RBFOX1: variants seen among roughly 807,000 people sequenced by gnomAD.
RBFOX1 encodes RNA binding fox-1 homolog 1.
In RBFOX1, 8 loss-of-function variants were observed where a neutral mutation model predicts 57.7. That is an observed-to-expected ratio of 0.14 (90% CI 0.08 to 0.25). The LOEUF (loss-of-function observed/expected upper bound fraction) is 0.25. Among genes scored for constraint, RBFOX1 ranks in the 10% least tolerant of loss-of-function variants. RBFOX1 has a pLI of 1.00. For missense variants in RBFOX1, 611 were observed against 548.5 expected, an observed-to-expected ratio of 1.11 and a Z score of -1.14; for synonymous variants, 326 against 222.4, an observed-to-expected ratio of 1.47 and a Z score of -4.15.
chr16:5,253,140 C>CT (rs879461678), intron 1 of RBFOX1, among the ~76,000 whole-genome samples: 57 of 148,074 alleles, frequency 3.8e-4, no homozygotes, highest in South Asian at 6.5e-4. Context: ...CTGTGTCATT[C>CT]TTTTTTTTTT....
intron 1 of RBFOX1, among the ~76,000 whole-genome samples, chr16:5,420,860 C>T (rs113613969): frequency 0.012 from 1,466 of 126,690 alleles, 16 homozygotes; most frequent in Non-Finnish European, 0.016. Flanking sequence ...CCTCCTCTTC[C>T]TCCTCCTCCT....
chr16:6,082,158 C>T, intron 1 of RBFOX1, among the ~76,000 whole-genome samples: 1 of 146,554 alleles, frequency 6.8e-6, no homozygotes, highest in South Asian at 2.2e-4. Context: ...ATTTGTTGGT[C>T]ACTTACCAAT....
At chr16:6,877,936 G>C (rs564326999) in intron 3 of RBFOX1, among the ~76,000 whole-genome samples, 7 of 152,264 alleles carry the variant, frequency 4.6e-5, no homozygotes, top group African/African-American at 1.7e-4. Context: ...AACATACACA[G>C]AGTCTTGGAT....
intron 3 of RBFOX1, among the ~76,000 whole-genome samples, chr16:6,924,532 G>T (rs1328484846): frequency 2.0e-5 from 3 of 152,018 alleles, no homozygotes; most frequent in Non-Finnish European, 4.4e-5. Context: ...CAACATTGGG[G>T]ATCACATTTC....
chr16:7,314,977 T>G (rs1190424894), intron 4 of RBFOX1, among the ~76,000 whole-genome samples: 1 of 152,238 alleles, frequency 6.6e-6, no homozygotes, highest in African/African-American at 2.4e-5. Flanking sequence ...CAGAAAGCTC[T>G]AATTTTAACC....
At chr16:6,913,336 G>C (rs1176076842) in intron 3 of RBFOX1, among the ~76,000 whole-genome samples, 2 of 152,114 alleles carry the variant, frequency 1.3e-5, no homozygotes, top group African/African-American at 4.8e-5. Context: ...TAAGGAGAAT[G>C]GTCCCATTTT....
intron 3 of RBFOX1, among the ~76,000 whole-genome samples, chr16:6,963,843 C>CG: frequency 6.6e-6 from 1 of 151,262 alleles, no homozygotes; most frequent in Non-Finnish European, 1.5e-5. Context: ...GGGCTACAGG[C>CG]GCACACCACC....
chr16:5,749,870 G>T (rs933232482), intron 3 of RBFOX1, among the ~76,000 whole-genome samples: 1 of 152,146 alleles, frequency 6.6e-6, no homozygotes, highest in Non-Finnish European at 1.5e-5. Flanking sequence ...TCAACTCGTC[G>T]AAGTCATTCT....
At chr16:6,770,152 A>C (rs377359579) in intron 3 of RBFOX1, among the ~76,000 whole-genome samples, 3 of 152,354 alleles carry the variant, frequency 2.0e-5, no homozygotes, top group East Asian at 3.9e-4. Context: ...TACCCTTTCA[A>C]GTGTCTGTTA....
rs1007019428 is a variant in RBFOX1, at chr16:6,679,174, G to C, written c.-16+24524G>C. ...TTGCAGTGTTCCACCCATTCAGTCT[G>C]AGTCTCCATCTATTTATGGCATATC... is the stretch of plus-strand genomic sequence containing the variant. On this transcript the variant is annotated intron_variant, in intron 3 of 15. Coordinates refer to ENST00000550418, the MANE Select transcript of RBFOX1 (RefSeq NM_018723.4). Among the ~76,000 whole-genome samples, 7 of 152,208 alleles carry C rather than the reference G, an allele frequency of 4.6e-5. No individual in the cohort carries two copies. The Middle Eastern group carries it at 0.014, about 296-fold the overall frequency.
Position 6,363,781 on chromosome 16 carries a change from G to T in RBFOX1, c.-64+46724G>T, listed in dbSNP as rs187537746. Among the ~76,000 whole-genome samples, 972 of 152,290 alleles carry T rather than the reference G, an allele frequency of 6.4e-3. 4 individuals carry two copies. Among genetic ancestry groups the T allele is most frequent in the Non-Finnish European group, 8.6e-3 (584 of 68,022 alleles). ...ACACCCAGTGACAGAACTAATAATTGTGTCCATGTAAAATCAGACCCTCTT... is the reference window on the plus strand; with the variant it reads ...ACACCCAGTGACAGAACTAATAATTTTGTCCATGTAAAATCAGACCCTCTT... On this transcript the variant is annotated intron_variant, in intron 2 of 15. Coordinates refer to ENST00000550418, the MANE Select transcript of RBFOX1 (RefSeq NM_018723.4).
intron 3 of RBFOX1, among the ~76,000 whole-genome samples, chr16:6,935,669 G>A (rs2077244137): frequency 1.3e-5 from 2 of 152,182 alleles, no homozygotes; most frequent in African/African-American, 4.8e-5. Flanking sequence ...TAAATGTAAT[G>A]TGCCTTATTC....
intron 5 of RBFOX1, among the ~76,000 whole-genome samples, chr16:7,533,155 A>C (rs1240304878): frequency 6.6e-6 from 1 of 152,196 alleles, no homozygotes; most frequent in Non-Finnish European, 1.5e-5. Context: ...ACTGGTCCTC[A>C]TAGGCACTTG....
chr16:7,106,227 GTGTGTGCATGAA>G (rs2063561655), intron 4 of RBFOX1, among the ~76,000 whole-genome samples: 2 of 152,278 alleles, frequency 1.3e-5, no homozygotes, highest in South Asian at 4.1e-4. Flanking sequence ...CATAATGACT[GTGTGTGCATGAA>G]TGTGTGCATG....
intron 1 of RBFOX1, among the ~76,000 whole-genome samples, chr16:6,165,136 G>A (rs2152752313): frequency 6.6e-6 from 1 of 152,144 alleles, no homozygotes; most frequent in Admixed American, 6.5e-5. Context: ...CCAAGCCTCA[G>A]CTTTGGCAGT....
chr16:6,629,698 C>A (rs989397689), intron 2 of RBFOX1, among the ~76,000 whole-genome samples: 2 of 152,088 alleles, frequency 1.3e-5, no homozygotes, highest in African/African-American at 4.8e-5. Context: ...TTGTGGTCAG[C>A]CATTTGACAT....
chr16:6,503,778 G>T (rs548612043), intron 2 of RBFOX1, among the ~76,000 whole-genome samples: 1 of 152,136 alleles, frequency 6.6e-6, no homozygotes. Flanking sequence ...GATGTCTCGC[G>T]ATGGAGGAAG....
chr16:7,115,579 T>G lies in RBFOX1; in HGVS notation c.27+63481T>G, dbSNP rs144161249. On this transcript the variant is annotated intron_variant, in intron 4 of 15. Transcript: ENST00000550418. Reference sequence around the variant, plus strand: ...CTCTCTCACCTGGCTGTTAGCAGGCTGGAAGTTTGCTGCCCACAGATTTAC... The same window carrying G: ...CTCTCTCACCTGGCTGTTAGCAGGCGGGAAGTTTGCTGCCCACAGATTTAC... Among the ~76,000 whole-genome samples the G allele has an allele frequency of 1.3e-3, 205 of 152,282 alleles. 2 individuals are homozygous for G. The highest frequency in any genetic ancestry group is 2.8e-3 in the Non-Finnish European group (189 of 68,016).
At chr16:5,798,771 CA>C (rs1477361848) in intron 3 of RBFOX1, among the ~76,000 whole-genome samples, 49 of 152,182 alleles carry the variant, frequency 3.2e-4, no homozygotes, top group Admixed American at 3.2e-3. Flanking sequence ...ATGCCAGAGT[CA>C]AAAATTATGA....
Sources: gnomAD v4.1 joint callset for allele counts (sites outside exome capture counted in the v4.1 genomes callset) on GRCh38, gnomAD v4.1.1 for gene constraint, MANE v1.5 for transcripts, NCBI Gene and HGNC (gene_info 2026-07-23, HGNC 2026-07-21) for gene names.